Variants in MINDY3 observed in about 807,000 individuals in gnomAD.
MINDY3 encodes the protein MINDY lysine 48 deubiquitinase 3, also known as ubiquitin carboxyl-terminal hydrolase MINDY-3.
MINDY3 carries 38 observed loss-of-function variants against 69.2 expected under a neutral mutation model. That is an observed-to-expected ratio of 0.55 (90% CI 0.42 to 0.72). MINDY3 has a LOEUF of 0.72. MINDY3 is among the 30% of genes least tolerant of loss of function. MINDY3 has a pLI of 0.00. For synonymous variants in MINDY3, 192 were observed against 180.1 expected (o/e 1.07, Z -0.53); for missense variants, 522 against 519.0 (o/e 1.01, Z -0.06).
At chr10:15,838,126 C>T (rs543451928) in intron 5 of MINDY3, 102 bp downstream of exon 5, 35 of 1,337,746 alleles carry the variant, frequency 2.6e-5, no homozygotes, top group East Asian at 2.0e-4. Flanking sequence ...GTTTAAGTAG[C>T]GCATTTCTAT....
intron 10 of MINDY3, among the ~76,000 whole-genome samples, chr10:15,808,503 TGTTTTTCCTGTTACAC>T (rs1838784205): frequency 2.0e-5 from 3 of 152,178 alleles, no homozygotes; most frequent in Non-Finnish European, 4.4e-5. Context: ...TTCACCGCAG[TGTTTTTCCTGTTACAC>T]CAAGGAGTAA....
At chr10:15,857,795 ATTGTT>A (rs1342427584) in intron 1 of MINDY3, 2 of 270,848 alleles carry the variant, frequency 7.4e-6, no homozygotes, top group Non-Finnish European at 1.1e-5. Context: ...CCTGCAGCTT[ATTGTT>A]TTAACAACCA....
intron 10 of MINDY3, among the ~76,000 whole-genome samples, chr10:15,798,306 AT>A (rs1309486689): frequency 6.6e-6 from 1 of 152,094 alleles, no homozygotes; most frequent in Admixed American, 6.6e-5. Flanking sequence ...AGTTTGGGAA[AT>A]TATCGCTGTT....
chr10:15,791,632 A>G (rs1205125782), intron 11 of MINDY3, among the ~76,000 whole-genome samples: 2 of 152,054 alleles, frequency 1.3e-5, no homozygotes, highest in East Asian at 3.9e-4. Context: ...AAAGGAGGAA[A>G]AAAGCTGTTG....
chr10:15,818,238 A>G (rs181088205), intron 9 of MINDY3, among the ~76,000 whole-genome samples: 1 of 152,250 alleles, frequency 6.6e-6, no homozygotes, highest in African/African-American at 2.4e-5. Context: ...CCATCACATC[A>G]CATGGTGCCT....
At chr10:15,809,503 C>T (rs1300285302) in intron 10 of MINDY3, among the ~76,000 whole-genome samples, 1 of 152,160 alleles carries the variant, frequency 6.6e-6, no homozygotes, top group Admixed American at 6.6e-5. Context: ...AGGGCACATT[C>T]TGTCTCCATG....
intron 8 of MINDY3, among the ~76,000 whole-genome samples, chr10:15,831,111 A>AT (rs1346327918): frequency 6.6e-6 from 1 of 152,222 alleles, no homozygotes; most frequent in Admixed American, 6.5e-5. Flanking sequence ...AGAGACAGAT[A>AT]AAGAGGAGAA....
intron 10 of MINDY3, among the ~76,000 whole-genome samples, chr10:15,816,153 C>T (rs577552561): frequency 6.0e-5 from 9 of 149,220 alleles, no homozygotes; most frequent in South Asian, 2.1e-4. Flanking sequence ...CCCAGCTACT[C>T]GGGAGGCTGA....
chr10:15,847,505 C>A (rs1163963155), intron 2 of MINDY3, among the ~76,000 whole-genome samples: 1 of 151,804 alleles, frequency 6.6e-6, no homozygotes, highest in East Asian at 1.9e-4. Flanking sequence ...CTTTTACAGA[C>A]TGAAATAATG....
intron 10 of MINDY3, among the ~76,000 whole-genome samples, chr10:15,808,578 C>T (rs1042892999): frequency 1.1e-4 from 17 of 152,260 alleles, no homozygotes; most frequent in African/African-American, 4.1e-4. Context: ...TTCCCAGTAA[C>T]AGATCCCACT....
chr10:15,829,456 G>A (rs1295728972), intron 8 of MINDY3, among the ~76,000 whole-genome samples: 3 of 152,104 alleles, frequency 2.0e-5, no homozygotes, highest in Admixed American at 6.5e-5. Flanking sequence ...CTAGTTAATC[G>A]TGATGTGCAG....
At chr10:15,858,770 G>A (rs1834872560) in intron 1 of MINDY3, among the ~76,000 whole-genome samples, 1 of 152,130 alleles carries the variant, frequency 6.6e-6, no homozygotes, top group Non-Finnish European at 1.5e-5. Flanking sequence ...TTTGTAAAAT[G>A]TTTAATAAAT....
chr10:15,782,442 G>C, intron 13 of MINDY3: 1 of 478,968 alleles, frequency 2.1e-6, no homozygotes, highest in East Asian at 3.6e-5. Context: ...AGTAGGGAAG[G>C]TTGATTTCCA....
intron 9 of MINDY3, among the ~76,000 whole-genome samples, chr10:15,818,511 A>G (rs948292224): frequency 7.9e-5 from 12 of 152,190 alleles, no homozygotes; most frequent in African/African-American, 2.7e-4. Flanking sequence ...CTGGGTATAT[A>G]CAAAGAGAAA....
Position 15,833,625 on chromosome 10 carries a change from C to G in MINDY3, c.730+5G>C. Reference sequence around the variant, plus strand: ...AGAGAGCAACATAACAAGGAATATACTTACTCATTCCTGAGCACTCTCTAT... The same window carrying G: ...AGAGAGCAACATAACAAGGAATATAGTTACTCATTCCTGAGCACTCTCTAT... On this transcript the variant is annotated splice_donor_5th_base_variant and intron_variant, in intron 8 of 14. Coordinates refer to ENST00000277632, the MANE Select transcript of MINDY3 (RefSeq NM_024948.4). 1.9e-6 allele frequency: 3 copies of G among 1,546,758 alleles called. No homozygotes were observed. Among genetic ancestry groups the G allele is most frequent in the Non-Finnish European group, 2.7e-6 (3 of 1,119,610 alleles).
In MINDY3 at chr10:15,796,166, C is replaced by G; in HGVS notation, c.889G>C (p.Ala297Pro). Residue 297 changes from alanine to proline, a missense_variant, in exon 11 of 15, where the codon GCT (alanine) becomes CCT (proline). Ala to Pro is a conservative substitution (Grantham distance 27). Transcript: ENST00000277632. ...HLTVFFAKDM[A>P]LVAPEAPSEQ... ...GAAGGAGCTTCAGGGGCAACTAAAG[C>G]CATATCCTGAAAAGATAAGAAGCAT... is the stretch of plus-strand genomic sequence containing the variant. 3 of 1,612,292 alleles carry G rather than the reference C, an allele frequency of 1.9e-6. No homozygotes were observed.
chr10:15,848,110 C>G (rs1195340352), intron 1 of MINDY3, among the ~76,000 whole-genome samples, 167 bp from the exon 2 acceptor site: 1 of 151,984 alleles, frequency 6.6e-6, no homozygotes, highest in Non-Finnish European at 1.5e-5. Flanking sequence ...TCTATAGAAC[C>G]TATCCACCCC....
intron 1 of MINDY3, among the ~76,000 whole-genome samples, chr10:15,859,978 T>C (rs1289887210): frequency 6.6e-6 from 1 of 152,066 alleles, no homozygotes; most frequent in Non-Finnish European, 1.5e-5. Context: ...GCCCGGAGGA[T>C]GGAAAGAGCG....
At chr10:15,808,788 C>G (rs540969147) in intron 10 of MINDY3, among the ~76,000 whole-genome samples, 3 of 151,906 alleles carry the variant, frequency 2.0e-5, no homozygotes, top group Non-Finnish European at 4.4e-5. Flanking sequence ...TAAAAGAGAA[C>G]AAAAAAGTGA....
Sources: gnomAD v4.1 joint callset for allele counts (sites outside exome capture counted in the v4.1 genomes callset) on GRCh38, gnomAD v4.1.1 for gene constraint, MANE v1.5 for transcripts, NCBI Gene and HGNC (gene_info 2026-07-23, HGNC 2026-07-21) for gene names.